Variants in PLB1 observed in about 807,000 individuals in gnomAD.
PLB1 encodes phospholipase B1, also known as phospholipase B1, membrane-associated.
Under a neutral mutation model 227.4 loss-of-function variants are expected in PLB1, and 242 were observed. That is an observed-to-expected ratio of 1.06 (90% CI 0.96 to 1.18). The LOEUF is 1.18. Ranked by LOEUF, PLB1 falls within the 50% of genes most tolerant of loss-of-function variation. PLB1 has a pLI of 0.00. For synonymous variants in PLB1, 757 were observed against 682.2 expected, an observed-to-expected ratio of 1.11 and a Z score of -1.71; for missense variants, 1,858 against 1,816.3, an observed-to-expected ratio of 1.02 and a Z score of -0.42.
intron 9 of PLB1, among the ~76,000 whole-genome samples, chr2:28,538,051 A>C (rs978067893): frequency 1.1e-4 from 17 of 152,134 alleles, no homozygotes; most frequent in African/African-American, 4.1e-4. Context: ...TCTGACTTTG[A>C]GTTTGCCCTT....
chr2:28,540,406 C>G lies in PLB1; in HGVS notation c.739C>G (p.Arg247Gly), dbSNP rs148963569. Residue 247 changes from arginine (R) to glycine (G), a missense_variant, in exon 12 of 58, where the codon CGG becomes GGG. By Grantham distance (125) the Arg-to-Gly change is moderately radical (BLOSUM62 -2). Transcript: ENST00000327757. ...CTGTAATTGCTCAGAGGAGACCACC[C>G]GGCTGGCCAAGGTGGTGATGCAGTG... ...EPCNCSEETT[R>G]LAKVVMQWSY... The G allele has an allele frequency of 6.2e-7, 1 of 1,614,040 alleles. No individual in the cohort carries two copies. Among genetic ancestry groups the G allele is most frequent in the South Asian group, 1.1e-5 (1 of 91,070 alleles).
At chr2:28,593,903 T>C (rs1682436149) in intron 33 of PLB1, 149 bp downstream of exon 33, 2 of 757,274 alleles carry the variant, frequency 2.6e-6, no homozygotes, top group South Asian at 1.5e-5. Flanking sequence ...TTCTGCAAAA[T>C]GTGAACATTT....
Position 28,497,946 on chromosome 2 carries a change from T to A in PLB1, c.55+1777T>A, listed in dbSNP as rs571312753. Among the ~76,000 whole-genome samples the A allele has an allele frequency of 1.2e-4, 18 of 151,766 alleles. No homozygotes were observed. The East Asian group carries it at 3.5e-3, about 29-fold the overall frequency. ...GTTGGCCAGGCTGGTCTCAAACTCCTAATCTTAAGTGATCTGCCTGCCTCG... is the reference window on the plus strand; with the variant it reads ...GTTGGCCAGGCTGGTCTCAAACTCCAAATCTTAAGTGATCTGCCTGCCTCG... On this transcript the variant is annotated intron_variant, in intron 1 of 57. Transcript: ENST00000327757.
Position 28,541,689 on chromosome 2 carries a change from C to T in PLB1, c.775-18C>T, listed in dbSNP as rs966326457. On this transcript the variant is annotated intron_variant, in intron 12 of 57. Transcript: ENST00000327757. ...CGCTCATGTTCCTGGATGGGCACCT[C>T]TCTGCTCCCTTCTCCAGGAAGCCTG... The T allele has an allele frequency of 6.2e-7, 1 of 1,604,578 alleles. No individual in the cohort carries two copies. Among genetic ancestry groups the T allele is most frequent in the Non-Finnish European group, 8.5e-7 (1 of 1,172,144 alleles).
intron 19 of PLB1, 22 bp from the exon 20 acceptor site, chr2:28,566,774 C>T: frequency 1.2e-6 from 2 of 1,613,784 alleles, no homozygotes; most frequent in Non-Finnish European, 1.7e-6. Context: ...CCTTCATTTT[C>T]TTTCTTGGAC....
intron 52 of PLB1, 74 bp downstream of exon 52, chr2:28,628,702 G>C: frequency 1.4e-6 from 2 of 1,449,934 alleles, no homozygotes; most frequent in Non-Finnish European, 1.9e-6. Context: ...GCTGTGTTCA[G>C]TGAGATGCTC....
chr2:28,536,466 T>C (rs984548775), intron 9 of PLB1, among the ~76,000 whole-genome samples: 7 of 152,214 alleles, frequency 4.6e-5, no homozygotes, highest in African/African-American at 1.7e-4. Flanking sequence ...TTATCCCTTG[T>C]AAACGTCTCT....
At position 28,582,147 on chromosome 2, in the gene PLB1, G is replaced by A; in HGVS notation, c.1632+14G>A. On this transcript the variant is annotated intron_variant, in intron 24 of 57. Transcript: ENST00000327757. The stretch of plus-strand genomic sequence containing the variant: ...CTCCATGCTGAGGTACGGAGGCTAG[G>A]CCATGAGGCCTGCATCTTAGACCTC... 1 of 1,610,816 alleles carries A rather than the reference G, an allele frequency of 6.2e-7. No individual in the cohort carries two copies.
At chr2:28,548,160 C>T (rs1673593172) in intron 14 of PLB1, among the ~76,000 whole-genome samples, 1 of 152,050 alleles carries the variant, frequency 6.6e-6, no homozygotes, top group African/African-American at 2.4e-5. Context: ...GACCCAGGCC[C>T]CATAACTTGC....
At chr2:28,635,237 G>A (rs1410233442) in intron 56 of PLB1, among the ~76,000 whole-genome samples, 1 of 152,182 alleles carries the variant, frequency 6.6e-6, no homozygotes, top group African/African-American at 2.4e-5. Flanking sequence ...TTCATCCAAA[G>A]CCAATCTTAG....
intron 4 of PLB1, among the ~76,000 whole-genome samples, chr2:28,524,538 G>A (rs1239713784): frequency 1.3e-5 from 2 of 151,712 alleles, no homozygotes; most frequent in Admixed American, 1.3e-4. Flanking sequence ...ACACACCCAG[G>A]CACTGTTCTA....
chr2:28,605,744 C>T (rs750223236), intron 41 of PLB1, 109 bp from the exon 42 acceptor site: 58 of 774,178 alleles, frequency 7.5e-5, no homozygotes, highest in Non-Finnish European at 8.9e-5. Flanking sequence ...TGACCTGGAG[C>T]ACTCCAGGGG....
chr2:28,591,115 AC>A lies in PLB1; in HGVS notation c.2089-12del, dbSNP rs754942240. Reference sequence around the variant, plus strand: ...TGAGCAGAATTTGCTGCCATTGCTCACCCCCCTCTCCTCACAGGTCCAGCCG... The same window carrying A: ...TGAGCAGAATTTGCTGCCATTGCTCACCCCCTCTCCTCACAGGTCCAGCCG... On this transcript the variant is annotated splice_polypyrimidine_tract_variant and intron_variant, in intron 29 of 57. Coordinates refer to ENST00000327757, the MANE Select transcript of PLB1 (RefSeq NM_153021.5). The A allele has an allele frequency of 1.2e-6, 2 of 1,613,672 alleles. No homozygotes were observed. Among genetic ancestry groups the A allele is most frequent in the Middle Eastern group, 3.3e-4 (2 of 6,058 alleles).
intron 43 of PLB1, among the ~76,000 whole-genome samples, chr2:28,612,861 C>A (rs1291430793): frequency 6.9e-6 from 1 of 145,548 alleles, no homozygotes; most frequent in East Asian, 2.0e-4. Context: ...ATGTGATGAA[C>A]CCCCCCTTGG....
At chr2:28,511,116 G>A (rs1668209126) in intron 1 of PLB1, among the ~76,000 whole-genome samples, 1 of 152,048 alleles carries the variant, frequency 6.6e-6, no homozygotes, top group Admixed American at 6.6e-5. Context: ...TTGATAAGGG[G>A]AAAATCTTAT....
At chr2:28,523,994 A>G (rs1572738180) in intron 4 of PLB1, among the ~76,000 whole-genome samples, 1 of 152,212 alleles carries the variant, frequency 6.6e-6, no homozygotes, top group Non-Finnish European at 1.5e-5. Context: ...TCCCTGGGAG[A>G]TTTATCTCCT....
intron 49 of PLB1, among the ~76,000 whole-genome samples, chr2:28,621,788 G>T (rs1385745121): frequency 6.6e-6 from 1 of 152,156 alleles, no homozygotes; most frequent in Non-Finnish European, 1.5e-5. Flanking sequence ...TCACGAGCAG[G>T]AAGAAATTAT....
At chr2:28,547,069 C>G (rs1673377630) in intron 14 of PLB1, among the ~76,000 whole-genome samples, 1 of 151,996 alleles carries the variant, frequency 6.6e-6, no homozygotes, top group Non-Finnish European at 1.5e-5. Flanking sequence ...GGTATGGTGT[C>G]ACACACCTAT....
At chr2:28,608,484 T>C (rs1322994543) in intron 43 of PLB1, among the ~76,000 whole-genome samples, 1 of 152,186 alleles carries the variant, frequency 6.6e-6, no homozygotes, top group Non-Finnish European at 1.5e-5. Flanking sequence ...TCCTCCCTTC[T>C]CCCATCCGCA....
Sources: gnomAD v4.1 joint callset for allele counts (sites outside exome capture counted in the v4.1 genomes callset) on GRCh38, gnomAD v4.1.1 for gene constraint, MANE v1.5 for transcripts, NCBI Gene and HGNC (gene_info 2026-07-23, HGNC 2026-07-21) for gene names.